MARCHF1: variants seen among roughly 807,000 people sequenced by gnomAD.
MARCHF1 encodes the protein E3 ubiquitin-protein ligase MARCHF1.
In MARCHF1, 40 loss-of-function variants were observed where a neutral mutation model predicts 54.2. That is an observed-to-expected ratio of 0.74 (90% confidence interval 0.57 to 0.96). The LOEUF (loss-of-function observed/expected upper bound fraction) is 0.96. Ranked by LOEUF, MARCHF1 falls within the 40% of genes least tolerant of loss-of-function variation. The probability of loss-of-function intolerance (pLI) is 0.00; values close to 1 mark genes in which losing one functional copy is unlikely to be tolerated. For synonymous variants in MARCHF1, 236 were observed against 236.3 expected, an observed-to-expected ratio of 1.00 and a Z score of 0.01; for missense variants, 586 against 656.5, an observed-to-expected ratio of 0.89 and a Z score of 1.17.
chr4:163,804,111 G>C (rs572811985), intron 4 of MARCHF1, among the ~76,000 whole-genome samples: 47 of 152,288 alleles, frequency 3.1e-4, no homozygotes, highest in Non-Finnish European at 5.1e-4. Flanking sequence ...ATCTGTTAAA[G>C]AACTGTCATT....
At chr4:164,204,305 G>A (rs1157986387) in intron 1 of MARCHF1, among the ~76,000 whole-genome samples, 1 of 152,142 alleles carries the variant, frequency 6.6e-6, no homozygotes, top group Non-Finnish European at 1.5e-5. Context: ...CAACATATAA[G>A]AGCAGTCAAA....
intron 1 of MARCHF1, among the ~76,000 whole-genome samples, chr4:164,181,112 C>A (rs891787532): frequency 9.2e-5 from 14 of 152,038 alleles, no homozygotes; most frequent in Admixed American, 2.0e-4. Context: ...GTGTGGGGTC[C>A]CCATTGCCTC....
chr4:164,028,493 T>C (rs1040359987), intron 2 of MARCHF1, among the ~76,000 whole-genome samples: 8 of 152,138 alleles, frequency 5.3e-5, no homozygotes, highest in Admixed American at 1.3e-4. Flanking sequence ...ATACCACATG[T>C]TCTCATTTAT....
intron 3 of MARCHF1, among the ~76,000 whole-genome samples, chr4:163,987,176 A>T (rs555566374): frequency 5.1e-4 from 78 of 152,352 alleles, no homozygotes; most frequent in African/African-American, 1.4e-3. Flanking sequence ...CAAAGGAAAC[A>T]GACACTCTAG....
intron 2 of MARCHF1, among the ~76,000 whole-genome samples, chr4:164,022,813 GC>G (rs1326914629): frequency 6.6e-6 from 1 of 152,194 alleles, no homozygotes; most frequent in Non-Finnish European, 1.5e-5. Context: ...CACATCTGTT[GC>G]ATAGGCCTTC....
At chr4:163,857,195 C>A (rs1004306251) in intron 3 of MARCHF1, among the ~76,000 whole-genome samples, 3 of 149,104 alleles carry the variant, frequency 2.0e-5, no homozygotes, top group African/African-American at 7.3e-5. Flanking sequence ...ATGTTCTTTT[C>A]TGTTATCACA....
chr4:163,648,361 A>G (rs1184262235), intron 5 of MARCHF1, among the ~76,000 whole-genome samples: 3 of 151,980 alleles, frequency 2.0e-5, no homozygotes, highest in Admixed American at 6.6e-5. Flanking sequence ...GGACATGTAC[A>G]GAACATTGTC....
At chr4:164,285,043 T>G (rs72691858) in intron 1 of MARCHF1, among the ~76,000 whole-genome samples, 2,450 of 142,970 alleles carry the variant, frequency 0.017, 70 homozygotes, top group Non-Finnish European at 0.025. Context: ...GTAGGTTGAC[T>G]ACTGTAGGTG....
chr4:164,100,237 A>G (rs578064345), intron 2 of MARCHF1, among the ~76,000 whole-genome samples: 1 of 152,250 alleles, frequency 6.6e-6, no homozygotes, highest in African/African-American at 2.4e-5. Context: ...ACATTTGCAT[A>G]AATCTATTTA....
chr4:163,686,437 G>C (rs1304940140), intron 5 of MARCHF1, among the ~76,000 whole-genome samples: 1 of 145,008 alleles, frequency 6.9e-6, no homozygotes, highest in East Asian at 2.3e-4. Context: ...CCAAATTTCT[G>C]TTATTAGCTT....
At chr4:163,537,224 CA>C (rs1157745771) in intron 9 of MARCHF1, among the ~76,000 whole-genome samples, 1 of 152,142 alleles carries the variant, frequency 6.6e-6, no homozygotes, top group African/African-American at 2.4e-5. Context: ...AGAATGTTTT[CA>C]TCAGGAAGAT....
intron 1 of MARCHF1, among the ~76,000 whole-genome samples, chr4:164,238,983 TCA>T (rs1369630544): frequency 6.6e-6 from 1 of 152,064 alleles, no homozygotes; most frequent in Non-Finnish European, 1.5e-5. Flanking sequence ...ATCTCAAGGT[TCA>T]CAGTTTCTTT....
intron 1 of MARCHF1, among the ~76,000 whole-genome samples, chr4:164,115,815 A>G (rs1755927569): frequency 6.6e-6 from 1 of 152,096 alleles, no homozygotes; most frequent in Non-Finnish European, 1.5e-5. Context: ...ATGGATTCTT[A>G]AAATTCAAAA....
chr4:164,329,592 C>T (rs975028177), intron 1 of MARCHF1, among the ~76,000 whole-genome samples: 12 of 152,250 alleles, frequency 7.9e-5, no homozygotes, highest in African/African-American at 1.4e-4. Context: ...TAAGAAAAGA[C>T]GTTTAATTGG....
intron 2 of MARCHF1, among the ~76,000 whole-genome samples, chr4:164,050,793 C>T (rs7693531): frequency 0.47 from 71,051 of 151,886 alleles, 18,248 homozygotes; most frequent in Non-Finnish European, 0.57. Context: ...ATTAGACGGG[C>T]GTGGTGGTGC....
chr4:163,535,938 CTT>C (rs999275756), intron 9 of MARCHF1, among the ~76,000 whole-genome samples: 3 of 152,020 alleles, frequency 2.0e-5, no homozygotes, highest in African/African-American at 7.2e-5. Flanking sequence ...GTGCTTCTGA[CTT>C]TTATTAGAGG....
rs563648414 is a variant in MARCHF1, at chr4:163,989,327, C to T, written c.-247-618G>A. On this transcript the variant is annotated intron_variant, in intron 2 of 9. Coordinates refer to ENST00000514618, the MANE Select transcript of MARCHF1 (RefSeq NM_001394959.1). ...AGAGAGAGAGAGAAAAGAAGAGAGA[C>T]CTGGAGCAATTGCAGATGTCTTTTT... Among the ~76,000 whole-genome samples the T allele has an allele frequency of 1.4e-4, 21 of 151,664 alleles. 1 individual carries two copies. The South Asian group carries it at 4.4e-3, about 32-fold the overall frequency.
At chr4:163,825,839 A>G (rs879882815) in intron 4 of MARCHF1, among the ~76,000 whole-genome samples, 2 of 151,964 alleles carry the variant, frequency 1.3e-5, no homozygotes, top group Admixed American at 6.6e-5. Context: ...ATCAGCTACT[A>G]GCAATTCATT....
intron 5 of MARCHF1, among the ~76,000 whole-genome samples, chr4:163,659,267 A>G (rs182332412): frequency 1.5e-4 from 23 of 152,166 alleles, no homozygotes; most frequent in Admixed American, 1.4e-3. Context: ...TATACATCTG[A>G]TCTTTGACAA....
Sources: gnomAD v4.1 joint callset for allele counts (sites outside exome capture counted in the v4.1 genomes callset) on GRCh38, gnomAD v4.1.1 for gene constraint, MANE v1.5 for transcripts, NCBI Gene and HGNC (gene_info 2026-07-23, HGNC 2026-07-21) for gene names.